Variants in STK33 observed in about 807,000 individuals in gnomAD.
STK33 encodes serine/threonine-protein kinase 33.
A neutral mutation model predicts 58.0 loss-of-function variants in STK33; 52 were observed. The observed-to-expected ratio is 0.90, with a 90% confidence interval of 0.72 to 1.13. The LOEUF (loss-of-function observed/expected upper bound fraction) is 1.13. Among genes scored for constraint, STK33 ranks in the 50% most tolerant of loss-of-function variants. STK33 has a pLI of 0.00. For synonymous variants in STK33, 215 were observed against 200.1 expected (o/e 1.07, Z -0.63); for missense variants, 630 against 604.2 (o/e 1.04, Z -0.45).
chr11:8,399,975 T>A (rs1850092573), intron 15 of STK33, among the ~76,000 whole-genome samples: 1 of 152,064 alleles, frequency 6.6e-6, no homozygotes, highest in African/African-American at 2.4e-5. Context: ...AGGCAATAAT[T>A]AATAGCTTAC....
intron 15 of STK33, among the ~76,000 whole-genome samples, chr11:8,409,238 C>T (rs1397849681): frequency 6.6e-6 from 1 of 152,148 alleles, no homozygotes; most frequent in Admixed American, 6.5e-5. Context: ...TTGGTTGTGC[C>T]AGGCTAAACT....
At chr11:8,478,894 G>A (rs1484650911) in intron 2 of STK33, among the ~76,000 whole-genome samples, 1 of 152,140 alleles carries the variant, frequency 6.6e-6, no homozygotes, top group African/African-American at 2.4e-5. Flanking sequence ...ACTAGCACTT[G>A]TTTATTCTTT....
intron 1 of STK33, among the ~76,000 whole-genome samples, chr11:8,543,722 T>C (rs1431953087): frequency 6.6e-6 from 1 of 152,150 alleles, no homozygotes; most frequent in Non-Finnish European, 1.5e-5. Context: ...ATAACTTAAT[T>C]GTACATTTTA....
At chr11:8,502,967 A>G (rs2139180541) in intron 1 of STK33, among the ~76,000 whole-genome samples, 1 of 152,258 alleles carries the variant, frequency 6.6e-6, no homozygotes, top group African/African-American at 2.4e-5. Context: ...TTTGAAAAGT[A>G]AAAAAATAAC....
chr11:8,556,421 T>C (rs1956748645), intron 1 of STK33, among the ~76,000 whole-genome samples: 4 of 152,210 alleles, frequency 2.6e-5, no homozygotes, highest in Non-Finnish European at 5.9e-5. Context: ...AACACAGCTC[T>C]ATAAACTGTC....
chr11:8,476,201 G>C (rs1319473711), intron 4 of STK33, among the ~76,000 whole-genome samples: 1 of 152,142 alleles, frequency 6.6e-6, no homozygotes, highest in Admixed American at 6.5e-5. Flanking sequence ...TTCTCTTTTA[G>C]ATTAGGGGTA....
In STK33 at chr11:8,397,393, G is replaced by C. The variant is rs572196476; in HGVS notation, c.1345-4683C>G. On this transcript the variant is annotated intron_variant, in intron 15 of 15. Coordinates refer to ENST00000687296, the MANE Select transcript of STK33 (RefSeq NM_001352389.2). ...CCAGCAAACTCCAACAGACCTGCAG[G>C]TGAGGGTCCTGACTGTTAGAATAAA... Among the ~76,000 whole-genome samples, 3 of 152,342 alleles carry C rather than the reference G, an allele frequency of 2.0e-5. No individual in the cohort carries two copies. The East Asian group carries it at 5.8e-4, about 29-fold the overall frequency.
chr11:8,484,076 C>T (rs1304159992), intron 1 of STK33, among the ~76,000 whole-genome samples: 1 of 152,124 alleles, frequency 6.6e-6, no homozygotes, highest in East Asian at 1.9e-4. Context: ...TTTTCATGTA[C>T]ACAAACTTAA....
At chr11:8,481,274 A>C (rs1949776414) in intron 1 of STK33, among the ~76,000 whole-genome samples, 1 of 152,210 alleles carries the variant, frequency 6.6e-6, no homozygotes, top group Non-Finnish European at 1.5e-5. Context: ...AAACACCAAC[A>C]ACAGATTCCA....
the STK33 span, among the ~76,000 whole-genome samples, chr11:8,380,898 C>T: frequency 6.6e-6 from 1 of 152,216 alleles, no homozygotes; most frequent in African/African-American, 2.4e-5. Flanking sequence ...GGCATATACA[C>T]ACTACTATAC....
chr11:8,410,468 TTC>T (rs1940027656), intron 15 of STK33, among the ~76,000 whole-genome samples: 2 of 112,610 alleles, frequency 1.8e-5, no homozygotes, highest in South Asian at 7.1e-4. Flanking sequence ...TTCTTTTCTT[TTC>T]TTTTTTTTTT....
chr11:8,586,616 G>C (rs2031682489), intron 1 of STK33, among the ~76,000 whole-genome samples: 1 of 152,048 alleles, frequency 6.6e-6, no homozygotes, highest in Non-Finnish European at 1.5e-5. Context: ...TTGAGGTCAG[G>C]AGTTTCAGAC....
chr11:8,337,966 G>A, the STK33 span, among the ~76,000 whole-genome samples: 3 of 151,648 alleles, frequency 2.0e-5, no homozygotes, highest in Non-Finnish European at 4.4e-5. Flanking sequence ...TGCCCCCACC[G>A]CCACACACTT....
intron 14 of STK33, among the ~76,000 whole-genome samples, chr11:8,426,140 G>C (rs1942712674): frequency 6.6e-6 from 1 of 152,218 alleles, no homozygotes; most frequent in Non-Finnish European, 1.5e-5. Context: ...TGGAGAATGA[G>C]TCCAAGGTTT....
At chr11:8,472,687 T>C (rs1948893916) in intron 6 of STK33, among the ~76,000 whole-genome samples, 1 of 152,236 alleles carries the variant, frequency 6.6e-6, no homozygotes, top group African/African-American at 2.4e-5. Context: ...TTTATTGTTC[T>C]AACATTTAAT....
chr11:8,536,972 A>AGTT (rs1565305538), intron 1 of STK33, among the ~76,000 whole-genome samples: 18 of 65,724 alleles, frequency 2.7e-4, no homozygotes, highest in East Asian at 2.3e-3. Context: ...AAAAAAAAAG[A>AGTT]TTTTTTTTTT....
At chr11:8,572,607 T>C (rs1392728335) in intron 1 of STK33, among the ~76,000 whole-genome samples, 1 of 152,012 alleles carries the variant, frequency 6.6e-6, no homozygotes, top group East Asian at 1.9e-4. Flanking sequence ...TTTTTAGAAA[T>C]AGGGTCTCAC....
the STK33 span, among the ~76,000 whole-genome samples, chr11:8,370,668 G>A: frequency 6.6e-6 from 1 of 152,144 alleles, no homozygotes; most frequent in East Asian, 1.9e-4. Flanking sequence ...CTGAATTTAG[G>A]GTCAAAAAAT....
intron 14 of STK33, among the ~76,000 whole-genome samples, chr11:8,424,617 T>C (rs1590944686): frequency 6.6e-6 from 1 of 150,490 alleles, no homozygotes; most frequent in East Asian, 2.0e-4. Context: ...AGTGTAAAAG[T>C]GTTCCTATTT....
Sources: gnomAD v4.1 joint callset for allele counts (sites outside exome capture counted in the v4.1 genomes callset) on GRCh38, gnomAD v4.1.1 for gene constraint, MANE v1.5 for transcripts, NCBI Gene and HGNC (gene_info 2026-07-23, HGNC 2026-07-21) for gene names.